Variants in ASTN2 observed in about 807,000 individuals in gnomAD.
ASTN2 encodes astrotactin-2.
Under a neutral mutation model 139.8 loss-of-function variants are expected in ASTN2, and 54 were observed. The observed-to-expected ratio is 0.39, with a 90% CI of 0.31 to 0.48. The LOEUF (loss-of-function observed/expected upper bound fraction) is 0.48, where lower values mean the gene tolerates loss of function less well. ASTN2 is among the 20% of genes least tolerant of loss of function. The pLI is 0.95. For missense variants in ASTN2, 1,565 were observed against 1,725.1 expected (o/e 0.91, Z 1.64); for synonymous variants, 756 against 719.5 (o/e 1.05, Z -0.81).
intron 1 of ASTN2, among the ~76,000 whole-genome samples, chr9:117,391,928 G>T (rs1006457071): frequency 6.6e-6 from 1 of 152,106 alleles, no homozygotes; most frequent in Non-Finnish European, 1.5e-5. Context: ...CTGAAATCCG[G>T]CAGAATAGTC....
In ASTN2 at chr9:116,805,818, C is replaced by A. The variant is rs144568731; in HGVS notation, c.2210G>T (p.Cys737Phe). ...AGGAGCCAGTTTGTACTCCTCCACG[C>A]AACTGTATGATAAAACAGAGCTCAG... is the stretch of plus-strand genomic sequence containing the variant. ...TSSTIFMFCG[C>F]VEEYKLAPDG... The change falls in exon 13 of 23, where the codon TGC becomes TTC. Residue 737 changes from cysteine (C) to phenylalanine (F), a missense_variant and splice_region_variant. Around this residue, in one of 4 missense-constraint regions of ASTN2, gnomAD observed 503 missense variants for 591.7 expected, o/e 0.85. Transcript: ENST00000313400. The A allele has an allele frequency of 6.2e-7, 1 of 1,613,248 alleles. No individual in the cohort carries two copies. Among genetic ancestry groups the A allele is most frequent in the African/African-American group, 1.3e-5 (1 of 75,038 alleles).
At chr9:116,719,796 G>C (rs1828422134) in intron 16 of ASTN2, among the ~76,000 whole-genome samples, 1 of 152,004 alleles carries the variant, frequency 6.6e-6, no homozygotes, top group Non-Finnish European at 1.5e-5. Context: ...GTCCAGAGGG[G>C]AAGTAGAAAA....
intron 2 of ASTN2, among the ~76,000 whole-genome samples, chr9:117,228,416 T>A (rs145638773): frequency 6.6e-6 from 1 of 152,304 alleles, no homozygotes; most frequent in African/African-American, 2.4e-5. Flanking sequence ...TGCTGCCATT[T>A]TACAGCATTG....
intron 19 of ASTN2, among the ~76,000 whole-genome samples, chr9:116,519,587 A>T (rs1850785713): frequency 6.6e-6 from 1 of 152,100 alleles, no homozygotes; most frequent in Non-Finnish European, 1.5e-5. Context: ...ATCTAAGACC[A>T]CACCTCATGG....
chr9:116,733,598 A>G, intron 13 of ASTN2, 75 bp from the exon 14 acceptor site: 2 of 1,585,946 alleles, frequency 1.3e-6, no homozygotes, highest in Non-Finnish European at 1.7e-6. Context: ...AGGAGGCAGG[A>G]TGCTGTAGTC....
intron 17 of ASTN2, among the ~76,000 whole-genome samples, chr9:116,639,058 T>A (rs74656385): frequency 6.6e-6 from 1 of 152,308 alleles, no homozygotes; most frequent in Non-Finnish European, 1.5e-5. Context: ...CTACTAAAAC[T>A]AGAAGATGAT....
At chr9:116,694,373 T>C (rs1259697964) in intron 16 of ASTN2, among the ~76,000 whole-genome samples, 1 of 152,054 alleles carries the variant, frequency 6.6e-6, no homozygotes, top group Non-Finnish European at 1.5e-5. Flanking sequence ...ATGTCCTCAG[T>C]CTGTTGTCCC....
intron 17 of ASTN2, among the ~76,000 whole-genome samples, chr9:116,644,676 C>T (rs1277367922): frequency 6.6e-6 from 1 of 152,140 alleles, no homozygotes; most frequent in East Asian, 1.9e-4. Context: ...GCCCTATCTG[C>T]TCATAAATGC....
chr9:116,749,641 G>T (rs1829346546), intron 13 of ASTN2, among the ~76,000 whole-genome samples: 2 of 152,134 alleles, frequency 1.3e-5, no homozygotes, highest in South Asian at 4.1e-4. Flanking sequence ...TAACTGATAT[G>T]GTTTGGATGT....
intron 13 of ASTN2, among the ~76,000 whole-genome samples, chr9:116,745,122 A>G (rs774443795): frequency 6.6e-6 from 1 of 152,336 alleles, no homozygotes; most frequent in African/African-American, 2.4e-5. Context: ...TAGAAATGAT[A>G]AGCATTACTG....
chr9:117,232,002 A>T (rs1015429518), intron 2 of ASTN2, among the ~76,000 whole-genome samples: 1 of 152,132 alleles, frequency 6.6e-6, no homozygotes, highest in Admixed American at 6.5e-5. Context: ...CCAGAAGGGG[A>T]TTAGAAGATC....
intron 13 of ASTN2, among the ~76,000 whole-genome samples, chr9:116,753,276 C>T (rs551288923): frequency 6.6e-6 from 1 of 152,270 alleles, no homozygotes; most frequent in South Asian, 2.1e-4. Context: ...TGCATGGTTC[C>T]AACTACATAA....
intron 5 of ASTN2, among the ~76,000 whole-genome samples, chr9:117,079,369 A>G (rs1216547973): frequency 2.0e-5 from 3 of 152,148 alleles, no homozygotes; most frequent in Admixed American, 6.5e-5. Context: ...AGAGTGAGAG[A>G]GAGACAGGCA....
chr9:116,919,868 G>A (rs1395289692), intron 10 of ASTN2, among the ~76,000 whole-genome samples: 3 of 151,046 alleles, frequency 2.0e-5, no homozygotes, highest in Non-Finnish European at 2.9e-5. Flanking sequence ...TTGAGCCCAG[G>A]AGGTGAAGGC....
At chr9:116,553,599 C>T (rs929447341) in intron 19 of ASTN2, among the ~76,000 whole-genome samples, 1 of 152,300 alleles carries the variant, frequency 6.6e-6, no homozygotes, top group East Asian at 1.9e-4. Context: ...AGTGCATTGG[C>T]TTGGGGATCA....
chr9:117,299,414 T>C (rs1222500576), intron 1 of ASTN2, among the ~76,000 whole-genome samples: 5 of 152,094 alleles, frequency 3.3e-5, no homozygotes, highest in African/African-American at 1.2e-4. Flanking sequence ...GTAGAAAGCT[T>C]AGAGGAAAGG....
intron 19 of ASTN2, among the ~76,000 whole-genome samples, chr9:116,600,092 G>A (rs1854794822): frequency 6.6e-6 from 1 of 152,048 alleles, no homozygotes; most frequent in African/African-American, 2.4e-5. Context: ...GGAGGTCAAG[G>A]TGGGTGGATC....
chr9:117,371,127 A>G lies in ASTN2; in HGVS notation c.442+43370T>C, dbSNP rs550206042. On this transcript the variant is annotated intron_variant, in intron 1 of 22. Transcript: ENST00000313400. The stretch of plus-strand genomic sequence containing the variant: ...AATCCCAACAGAGGGCCAAGACTAA[A>G]CCTAGCTGGATGTCCCTACATTATC... Among the ~76,000 whole-genome samples, 53 of 152,118 alleles carry G rather than the reference A, an allele frequency of 3.5e-4. No individual in the cohort carries two copies. The South Asian group carries it at 6.4e-3, about 19-fold the overall frequency.
rs1848800984 is a variant in ASTN2 at position 116,471,182 on chromosome 9, C to G, written c.3497+16177G>C. ...GGCTATAGATATGATTAAGAAAGAT[C>G]TATGTAATGGTGTTAAGTTACTACA... On this transcript the variant is annotated intron_variant, in intron 20 of 22. Coordinates refer to ENST00000313400, the MANE Select transcript of ASTN2 (RefSeq NM_001365068.1). 2.0e-5 allele frequency among the ~76,000 whole-genome samples: 3 copies of G among 152,204 alleles called. No homozygotes were observed. In the South Asian group the frequency reaches 6.2e-4, roughly 32 times the overall value.
Sources: gnomAD v4.1 joint callset for allele counts (sites outside exome capture counted in the v4.1 genomes callset) on GRCh38, gnomAD v4.1.1 for gene constraint, gnomAD v4.1.1 regional missense constraint, MANE v1.5 for transcripts, NCBI Gene and HGNC (gene_info 2026-07-23, HGNC 2026-07-21) for gene names.